CNIH1: variants seen among roughly 807,000 people sequenced by gnomAD.
CNIH1 encodes the protein cornichon family member 1.
A neutral mutation model predicts 20.2 loss-of-function variants in CNIH1; 12 were observed. The observed-to-expected ratio is 0.59, with a 90% CI of 0.38 to 0.96. The LOEUF is 0.96. CNIH1 is among the 40% of genes least tolerant of loss of function. CNIH1 has a pLI of 0.00. For synonymous variants in CNIH1, 69 were observed against 63.3 expected (o/e 1.09, Z -0.43); for missense variants, 152 against 178.8 (o/e 0.85, Z 0.85).
At chr14:54,436,803 C>T (rs996280259) in intron 1 of CNIH1, 4 of 439,886 alleles carry the variant, frequency 9.1e-6, no homozygotes, top group African/African-American at 2.1e-5. Context: ...AAAAACAAAC[C>T]TTCCTAGGTC....
At chr14:54,436,595 G>A (rs1475944160) in intron 1 of CNIH1, 158 bp from the exon 2 acceptor site, 3 of 594,638 alleles carry the variant, frequency 5.0e-6, no homozygotes, top group Admixed American at 3.1e-5. Flanking sequence ...ATGACAAAAA[G>A]AACCAGAATG....
chr14:54,432,096 T>G lies in CNIH1; in HGVS notation c.263+12A>C. On this transcript the variant is annotated intron_variant, in intron 3 of 4. Coordinates refer to ENST00000216416, the MANE Select transcript of CNIH1 (RefSeq NM_005776.3). The stretch of plus-strand genomic sequence containing the variant: ...AATTTAAAAAAATATTAAAAGTGTA[T>G]CTAAATATTACCTCCAAATATGATA... 7.4e-7 allele frequency: 1 copy of G among 1,343,256 alleles called. No homozygotes were observed. The allele number at this position is 1,343,256 out of a possible 1,614,324, so 83.2% of individuals were successfully genotyped here.
In CNIH1 at chr14:54,441,308, G is replaced by C; in HGVS notation, c.20C>G (p.Ala7Gly). MAFTFA[A>G]FCYMLALLLT... ...CAGCAGCGCCAGCATGTAGCAGAAG[G>C]CCGCGAACGTGAACGCCATGGCTGG... Residue 7 changes from alanine (A) to glycine (G), a missense_variant, in exon 1 of 5, where the codon GCC becomes GGC. By Grantham distance (60) the Ala-to-Gly change is moderately conservative (BLOSUM62 0). Around this residue, in one of 3 missense-constraint regions of CNIH1, gnomAD observed 97 missense variants for 100.6 expected, o/e 0.96. Coordinates refer to ENST00000216416, the MANE Select transcript of CNIH1 (RefSeq NM_005776.3). 1 of 1,517,130 alleles carries C rather than the reference G, an allele frequency of 6.6e-7. No homozygotes were observed. Among genetic ancestry groups the C allele is most frequent in the Non-Finnish European group, 8.9e-7 (1 of 1,128,822 alleles). The allele number at this position is 1,517,130 out of a possible 1,614,324, so 94.0% of individuals were successfully genotyped here.
chr14:54,436,167 G>C, intron 2 of CNIH1: 1 of 705,448 alleles, frequency 1.4e-6, no homozygotes. Context: ...AAGAATGTTA[G>C]TATGACAGCT....
intron 1 of CNIH1, among the ~76,000 whole-genome samples, chr14:54,438,243 G>C (rs1039578457): frequency 6.6e-6 from 1 of 152,196 alleles, no homozygotes; most frequent in Non-Finnish European, 1.5e-5. Context: ...GCCTCCCAAA[G>C]TGCTGGGATT....
intron 4 of CNIH1, among the ~76,000 whole-genome samples, chr14:54,429,285 C>T (rs2030885617): frequency 6.6e-6 from 1 of 152,190 alleles, no homozygotes; most frequent in Non-Finnish European, 1.5e-5. Context: ...TTTTGGTTGT[C>T]ATGAGGGGGC....
In CNIH1 at chr14:54,426,639, C is replaced by A. The variant is rs2030831890; in HGVS notation, c.*1175G>T. ...CCATTTTACCTTAAAACTGACTGTT[C>A]CAAAAAGGAAAAATCAAAGTAAAAT... On this transcript the variant is annotated 3_prime_UTR_variant, in exon 5 of 5. Coordinates refer to ENST00000216416, the MANE Select transcript of CNIH1 (RefSeq NM_005776.3). 6.6e-6 allele frequency: 1 copy of A among 152,094 alleles called. No individual in the cohort carries two copies. The highest frequency in any genetic ancestry group is 2.4e-5 in the African/African-American group (1 of 41,420). 9.4% of individuals were successfully genotyped at this position (152,094 alleles called of 1,614,324 possible).
intron 1 of CNIH1, among the ~76,000 whole-genome samples, chr14:54,438,174 T>A (rs2031094364): frequency 6.6e-6 from 1 of 152,056 alleles, no homozygotes; most frequent in South Asian, 2.1e-4. Context: ...GAGATGGGAT[T>A]TTACCATGTT....
At chr14:54,441,169 C>G in intron 1 of CNIH1, 78 bp downstream of exon 1, 1 of 1,354,102 alleles carries the variant, frequency 7.4e-7, no homozygotes, top group Middle Eastern at 2.5e-4. Context: ...GCGGCCGTGG[C>G]GGCCCGGACC....
chr14:54,428,140 G>A (rs542776620), intron 4 of CNIH1, among the ~76,000 whole-genome samples: 1 of 152,110 alleles, frequency 6.6e-6, no homozygotes, highest in Non-Finnish European at 1.5e-5. Context: ...ACACACTCTG[G>A]AGTTGTGTCT....
Position 54,424,310 on chromosome 14 carries a change from GTTGT to G in CNIH1, c.*3500_*3503del, listed in dbSNP as rs1213250211. The G allele has an allele frequency of 1.3e-5, 2 of 152,172 alleles. No individual in the cohort carries two copies. The highest frequency in any genetic ancestry group is 2.9e-5 in the Non-Finnish European group (2 of 68,012). 9.4% of individuals were successfully genotyped at this position (152,172 alleles called of 1,614,324 possible). A position where few individuals can be genotyped will look rare whatever the true frequency, so the allele number is the denominator to read the frequency against. On this transcript the variant is annotated 3_prime_UTR_variant, in exon 5 of 5. Coordinates refer to ENST00000216416, the MANE Select transcript of CNIH1 (RefSeq NM_005776.3). ...CATGTTTTTCTTTCCCCTGAAGAAT[GTTGT>G]TTTAGAATATTTTTGCCATCAAAAT...
At position 54,441,316 on chromosome 14, in the gene CNIH1, C is replaced by T. The variant is rs371663313; in HGVS notation, c.12G>A (p.Thr4=). 202 of 1,513,304 alleles carry T rather than the reference C, an allele frequency of 1.3e-4. No homozygotes were observed. Among genetic ancestry groups the T allele is most frequent in the Non-Finnish European group, 1.8e-4 (198 of 1,126,450 alleles). 93.7% of individuals were successfully genotyped at this position (1,513,304 alleles called of 1,614,324 possible). Residue 4 remains threonine, a synonymous_variant, in exon 1 of 5, where the codon ACG becomes ACA. Transcript: ENST00000216416. MAF[T]FAAFCYMLAL... is the part of the protein sequence containing the mutation. ...CCAGCATGTAGCAGAAGGCCGCGAA[C>T]GTGAACGCCATGGCTGGGGAGGAGG...
rs371663313 is a variant in CNIH1, at chr14:54,441,316, C to A, written c.12G>T (p.Thr4=). MAF[T]FAAFCYMLAL... ...CCAGCATGTAGCAGAAGGCCGCGAACGTGAACGCCATGGCTGGGGAGGAGG... is the reference window on the plus strand; with the variant it reads ...CCAGCATGTAGCAGAAGGCCGCGAAAGTGAACGCCATGGCTGGGGAGGAGG... The change falls in exon 1 of 5, where the codon ACG becomes ACT. Residue 4 remains threonine, a synonymous_variant. Transcript: ENST00000216416. The A allele has an allele frequency of 4.0e-6, 6 of 1,513,304 alleles. No homozygotes were observed. The Admixed American group carries it at 6.3e-5, about 16-fold the overall frequency. The allele number at this position is 1,513,304 out of a possible 1,614,324, so 93.7% of individuals were successfully genotyped here. A position where few individuals can be genotyped will look rare whatever the true frequency, so the allele number is the denominator to read the frequency against.
intron 3 of CNIH1, among the ~76,000 whole-genome samples, 167 bp downstream of exon 3, chr14:54,431,941 T>C (rs2030956155): frequency 1.3e-5 from 2 of 152,226 alleles, no homozygotes; most frequent in Non-Finnish European, 2.9e-5. Flanking sequence ...GTAAGCTCTA[T>C]ATGAGGTATT....
intron 1 of CNIH1, among the ~76,000 whole-genome samples, chr14:54,439,471 C>G (rs1253346466): frequency 1.3e-5 from 2 of 151,818 alleles, no homozygotes; most frequent in Non-Finnish European, 2.9e-5. Context: ...CCCATCATCC[C>G]AGAAAAAAGG....
intron 4 of CNIH1, 24 bp from the exon 5 acceptor site, chr14:54,427,865 A>C: frequency 6.2e-7 from 1 of 1,609,578 alleles, no homozygotes; most frequent in South Asian, 1.1e-5. Flanking sequence ...AAAAGATGTT[A>C]ATTTGAACAT....
intron 4 of CNIH1, 106 bp from the exon 5 acceptor site, chr14:54,427,947 T>G (rs1331069583): frequency 9.5e-7 from 1 of 1,057,146 alleles, no homozygotes; most frequent in African/African-American, 1.6e-5. Flanking sequence ...TCACAGAAAA[T>G]GACAAGACTA....
chr14:54,432,286 G>T, intron 2 of CNIH1, 66 bp from the exon 3 acceptor site: 2 of 772,626 alleles, frequency 2.6e-6, no homozygotes. Flanking sequence ...AATCTGGAAA[G>T]CAGGTGGCAA....
intron 3 of CNIH1, among the ~76,000 whole-genome samples, chr14:54,431,196 T>C (rs2030936487): frequency 1.3e-5 from 2 of 152,168 alleles, no homozygotes; most frequent in Middle Eastern, 3.4e-3. Flanking sequence ...TGACACGATC[T>C]TGGCTAACTG....
Sources: gnomAD v4.1 joint callset for allele counts (sites outside exome capture counted in the v4.1 genomes callset) on GRCh38, gnomAD v4.1.1 for gene constraint, gnomAD v4.1.1 regional missense constraint, MANE v1.5 for transcripts, NCBI Gene and HGNC (gene_info 2026-07-23, HGNC 2026-07-21) for gene names.